GUCY1A2: variants seen among roughly 807,000 people sequenced by gnomAD.
The protein encoded by GUCY1A2 is guanylate cyclase soluble subunit alpha-2.
In GUCY1A2, 27 loss-of-function variants were observed where a neutral mutation model predicts 63.5. The observed-to-expected ratio is 0.43, with a 90% CI of 0.31 to 0.59. The LOEUF (loss-of-function observed/expected upper bound fraction) is 0.59. Ranked by LOEUF, GUCY1A2 falls within the 20% of genes least tolerant of loss-of-function variation. GUCY1A2 has a pLI of 0.11. For missense variants in GUCY1A2, 768 were observed against 913.3 expected (o/e 0.84, Z 2.05); for synonymous variants, 364 against 343.5 (o/e 1.06, Z -0.66).
In GUCY1A2 at chr11:107,018,166, G is replaced by A. The variant is rs1436987208; in HGVS notation, c.-111C>T. 9.7e-6 allele frequency: 5 copies of A among 514,896 alleles called. No individual in the cohort carries two copies. The highest frequency in any genetic ancestry group is 1.1e-5 in the Non-Finnish European group (4 of 355,802). The allele number at this position is 514,896 out of a possible 1,614,324, so 31.9% of individuals were successfully genotyped here. ...ACAACGTTAAGCGCGTCGGGGCCGC[G>A]GGGCGCTGCGGTCGCGCCCGGCGGG... On this transcript the variant is annotated 5_prime_UTR_variant, in exon 1 of 8. Coordinates refer to ENST00000526355, the MANE Select transcript of GUCY1A2 (RefSeq NM_000855.3).
chr11:106,818,680 C>T (rs560976547), intron 4 of GUCY1A2, among the ~76,000 whole-genome samples: 92 of 152,200 alleles, frequency 6.0e-4, no homozygotes, highest in African/African-American at 2.2e-3. Context: ...AAAACTACAC[C>T]TCTTAAGTCA....
chr11:107,004,288 AT>A (rs1378785705), intron 1 of GUCY1A2, among the ~76,000 whole-genome samples: 1 of 152,192 alleles, frequency 6.6e-6, no homozygotes, highest in Non-Finnish European at 1.5e-5. Context: ...TCCGTCAGTA[AT>A]TAACTGTCAT....
chr11:106,770,083 A>T (rs1864230254), intron 6 of GUCY1A2, among the ~76,000 whole-genome samples: 1 of 152,120 alleles, frequency 6.6e-6, no homozygotes, highest in South Asian at 2.1e-4. Flanking sequence ...ATTAAAAACT[A>T]CAAACAAAAT....
chr11:106,725,785 G>A (rs949730367), intron 6 of GUCY1A2, among the ~76,000 whole-genome samples: 1 of 152,086 alleles, frequency 6.6e-6, no homozygotes, highest in Admixed American at 6.5e-5. Flanking sequence ...TCAGTGACAG[G>A]CATTTGCATG....
chr11:106,870,397 ATTT>A (rs901816518), intron 4 of GUCY1A2, among the ~76,000 whole-genome samples: 1 of 152,118 alleles, frequency 6.6e-6, no homozygotes, highest in African/African-American at 2.4e-5. Flanking sequence ...TTATAAATAT[ATTT>A]TATTTTATAG....
chr11:106,925,925 G>A (rs1342920462), intron 4 of GUCY1A2, among the ~76,000 whole-genome samples: 1 of 152,142 alleles, frequency 6.6e-6, no homozygotes, highest in Non-Finnish European at 1.5e-5. Flanking sequence ...CATTCGTTCT[G>A]GTGATAGCAA....
At chr11:106,762,200 A>C (rs879306015) in intron 6 of GUCY1A2, among the ~76,000 whole-genome samples, 1 of 152,148 alleles carries the variant, frequency 6.6e-6, no homozygotes, top group Non-Finnish European at 1.5e-5. Context: ...GAATACTATA[A>C]GTTTATTAAA....
intron 4 of GUCY1A2, among the ~76,000 whole-genome samples, chr11:106,882,228 G>A (rs558427996): frequency 2.0e-5 from 3 of 151,978 alleles, no homozygotes; most frequent in African/African-American, 7.2e-5. Flanking sequence ...TTATCTAAGT[G>A]GCCAAAGCAT....
At position 106,975,481 on chromosome 11, in the gene GUCY1A2, A is replaced by G. The variant is rs189372581; in HGVS notation, c.487+3138T>C. ...TGCAAAAGACATTATGTACCAAATA[A>G]AGCAATAAATTTAACTCTAAAGTCC... is the stretch of plus-strand genomic sequence containing the variant. On this transcript the variant is annotated intron_variant, in intron 3 of 7. Transcript: ENST00000526355. 1.2e-3 allele frequency among the ~76,000 whole-genome samples: 182 copies of G among 152,310 alleles called. No individual in the cohort carries two copies. The Middle Eastern group carries it at 0.031, about 26-fold the overall frequency.
At chr11:106,872,310 T>C (rs756331718) in intron 4 of GUCY1A2, among the ~76,000 whole-genome samples, 17 of 152,152 alleles carry the variant, frequency 1.1e-4, no homozygotes, top group South Asian at 2.1e-4. Context: ...CTGACAATTA[T>C]AGCAATAAAA....
intron 7 of GUCY1A2, among the ~76,000 whole-genome samples, chr11:106,692,787 G>A (rs1862647749): frequency 6.6e-6 from 1 of 152,138 alleles, no homozygotes; most frequent in African/African-American, 2.4e-5. Flanking sequence ...GACTGAGAGG[G>A]AAACAAGAGA....
intron 4 of GUCY1A2, among the ~76,000 whole-genome samples, chr11:106,926,414 G>A (rs1468980715): frequency 6.6e-6 from 1 of 150,912 alleles, no homozygotes; most frequent in Non-Finnish European, 1.5e-5. Context: ...CTCCAGCCTG[G>A]GTGACAGAGT....
chr11:106,688,921 G>C (rs1217688189), intron 7 of GUCY1A2, among the ~76,000 whole-genome samples: 1 of 152,126 alleles, frequency 6.6e-6, no homozygotes, highest in East Asian at 1.9e-4. Flanking sequence ...GTTAAGGCTG[G>C]GGCAGTAGGT....
At chr11:107,017,664 T>C in intron 1 of GUCY1A2, 89 bp downstream of exon 1, 4 of 755,528 alleles carry the variant, frequency 5.3e-6, no homozygotes, top group Non-Finnish European at 7.3e-6. Context: ...GGTCGGGCTC[T>C]GCGCTCGCGC....
intron 4 of GUCY1A2, among the ~76,000 whole-genome samples, chr11:106,864,282 ACT>A (rs1247755902): frequency 1.3e-5 from 2 of 151,886 alleles, no homozygotes; most frequent in African/African-American, 4.8e-5. Flanking sequence ...TTTTTTAAAA[ACT>A]CGTATGGCAA....
At chr11:106,912,097 T>C (rs1860303472) in intron 4 of GUCY1A2, among the ~76,000 whole-genome samples, 1 of 151,996 alleles carries the variant, frequency 6.6e-6, no homozygotes, top group African/African-American at 2.4e-5. Flanking sequence ...AAAATCAATA[T>C]AAGTTTTATA....
intron 7 of GUCY1A2, among the ~76,000 whole-genome samples, chr11:106,699,927 G>A: frequency 6.6e-6 from 1 of 151,970 alleles, no homozygotes; most frequent in Admixed American, 6.6e-5. Context: ...GACTACAGGC[G>A]CCCGTCCCCT....
At chr11:106,862,982 C>A (rs1859534145) in intron 4 of GUCY1A2, among the ~76,000 whole-genome samples, 1 of 152,078 alleles carries the variant, frequency 6.6e-6, no homozygotes, top group Non-Finnish European at 1.5e-5. Context: ...TGTGAATCAT[C>A]TGTGACCTGG....
intron 3 of GUCY1A2, among the ~76,000 whole-genome samples, chr11:106,948,734 G>A (rs1449926924): frequency 1.3e-5 from 2 of 152,118 alleles, no homozygotes; most frequent in African/African-American, 4.8e-5. Flanking sequence ...TCATTTTGCT[G>A]AAGTAAATCT....
Sources: allele counts gnomAD v4.1 joint callset (sites outside exome capture counted in the v4.1 genomes callset), GRCh38; gene constraint gnomAD v4.1.1; transcripts MANE v1.5; gene names NCBI Gene and HGNC (gene_info 2026-07-23, HGNC 2026-07-21).